Variants in ULK4 observed in about 807,000 individuals in gnomAD.
ULK4 encodes the protein inactive serine/threonine-protein kinase ULK4.
A neutral mutation model predicts 160.6 loss-of-function variants in ULK4; 133 were observed. That is an observed-to-expected ratio of 0.83 (90% CI 0.72 to 0.96). The LOEUF is 0.96. ULK4 is among the 40% of genes least tolerant of loss of function. The probability of loss-of-function intolerance (pLI) is 0.00; values close to 1 mark genes in which losing one functional copy is unlikely to be tolerated. For missense variants in ULK4, 1,580 were observed against 1,499.5 expected (o/e 1.05, Z -0.89); for synonymous variants, 534 against 539.8 (o/e 0.99, Z 0.15).
intron 34 of ULK4, among the ~76,000 whole-genome samples, chr3:41,439,931 T>C (rs997843791): frequency 6.6e-6 from 1 of 152,228 alleles, no homozygotes; most frequent in Non-Finnish European, 1.5e-5. Flanking sequence ...CCATACCTTT[T>C]GTTAGATTTT....
intron 35 of ULK4, among the ~76,000 whole-genome samples, chr3:41,300,837 T>TTTTATATATATATA (rs1491100332): frequency 1.7e-5 from 1 of 57,876 alleles, no homozygotes; most frequent in African/African-American, 4.6e-5. Flanking sequence ...ATTTTACAGA[T>TTTTATATATATATA]TATATATATA....
intron 16 of ULK4, among the ~76,000 whole-genome samples, chr3:41,886,882 T>C (rs1697742367): frequency 6.6e-6 from 1 of 152,080 alleles, no homozygotes; most frequent in Non-Finnish European, 1.5e-5. Flanking sequence ...CTGGTGTGAA[T>C]CTTTATACAC....
At chr3:41,399,636 T>C (rs2082137338) in intron 34 of ULK4, among the ~76,000 whole-genome samples, 1 of 152,100 alleles carries the variant, frequency 6.6e-6, no homozygotes, top group Non-Finnish European at 1.5e-5. Context: ...TGCAGTGGTA[T>C]AAACATAGCT....
At chr3:41,938,326 C>T (rs1699845137) in intron 2 of ULK4, 129 bp from the exon 3 acceptor site, 1 of 664,344 alleles carries the variant, frequency 1.5e-6, no homozygotes, top group Admixed American at 3.0e-5. Flanking sequence ...GAATTCTATA[C>T]AGACATTAGA....
intron 32 of ULK4, among the ~76,000 whole-genome samples, chr3:41,495,751 A>T (rs1257750541): frequency 6.6e-6 from 1 of 151,898 alleles, no homozygotes; most frequent in Non-Finnish European, 1.5e-5. Flanking sequence ...AAACAACCCC[A>T]TCAAAAAGTG....
intron 32 of ULK4, among the ~76,000 whole-genome samples, chr3:41,520,526 C>A (rs1452758752): frequency 6.6e-6 from 1 of 152,054 alleles, no homozygotes; most frequent in Non-Finnish European, 1.5e-5. Context: ...CATATTTGTG[C>A]AGATTTGTGT....
At chr3:41,683,190 T>C (rs2035978977) in intron 27 of ULK4, among the ~76,000 whole-genome samples, 1 of 152,148 alleles carries the variant, frequency 6.6e-6, no homozygotes. Flanking sequence ...CTCAAAATGT[T>C]TAACCGTGGC....
chr3:41,626,337 G>T (rs796755975), intron 30 of ULK4, among the ~76,000 whole-genome samples: 6 of 152,106 alleles, frequency 3.9e-5, no homozygotes, highest in African/African-American at 1.4e-4. Context: ...TAAATGTCAT[G>T]TATTTAAGTA....
chr3:41,324,700 A>G (rs978092629), intron 35 of ULK4, among the ~76,000 whole-genome samples: 4 of 152,152 alleles, frequency 2.6e-5, no homozygotes, highest in Admixed American at 2.6e-4. Context: ...GAACAACATA[A>G]ACAAAAGCAA....
At chr3:41,822,214 AC>A (rs141687045) in intron 18 of ULK4, among the ~76,000 whole-genome samples, 10,975 of 152,032 alleles carry the variant, frequency 0.072, 1,249 homozygotes, top group African/African-American at 0.24. Flanking sequence ...AGTCTCTCCA[AC>A]CCTGCCTCCT....
chr3:41,374,265 G>A (rs977532395), intron 35 of ULK4, among the ~76,000 whole-genome samples: 1 of 152,124 alleles, frequency 6.6e-6, no homozygotes, highest in African/African-American at 2.4e-5. Flanking sequence ...GAAAAAGAGG[G>A]AATCCTCCCT....
intron 19 of ULK4, among the ~76,000 whole-genome samples, chr3:41,801,126 CAT>C: frequency 6.6e-6 from 1 of 152,004 alleles, no homozygotes; most frequent in East Asian, 1.9e-4. Flanking sequence ...AAAGCAAAAA[CAT>C]AAGGAGAGAA....
At chr3:41,563,645 T>A (rs1294689544) in intron 32 of ULK4, among the ~76,000 whole-genome samples, 1 of 152,216 alleles carries the variant, frequency 6.6e-6, no homozygotes. Flanking sequence ...TCCACTTGAT[T>A]GAATTGGCTA....
chr3:41,931,936 A>C lies in ULK4; in HGVS notation c.449T>G (p.Leu150Trp), dbSNP rs755688745. The change falls in exon 5 of 37, where the codon TTG becomes TGG. Residue 150 changes from leucine to tryptophan, a missense_variant. Coordinates refer to ENST00000301831, the MANE Select transcript of ULK4 (RefSeq NM_017886.4). ...FCLAKVEGEN[L>W]EEFFALVAAE... ...TGCCACCAAAGCAAAGAACTCTTCC[A>C]AATTTTCACCTTCCACTTTTGCCAA... 1 of 1,614,058 alleles carries C rather than the reference A, an allele frequency of 6.2e-7. No individual in the cohort carries two copies. Among genetic ancestry groups the C allele is most frequent in the Non-Finnish European group, 8.5e-7 (1 of 1,180,006 alleles).
chr3:41,383,854 T>C (rs17056647), intron 35 of ULK4, among the ~76,000 whole-genome samples: 1 of 152,232 alleles, frequency 6.6e-6, no homozygotes, highest in South Asian at 2.1e-4. Context: ...TCTTCTCCCT[T>C]TTTGAGAGTT....
chr3:41,740,569 C>A (rs1458190872), intron 22 of ULK4, among the ~76,000 whole-genome samples: 1 of 151,934 alleles, frequency 6.6e-6, no homozygotes, highest in African/African-American at 2.4e-5. Flanking sequence ...AATTTCACCA[C>A]CTGTCTCATG....
intron 20 of ULK4, among the ~76,000 whole-genome samples, chr3:41,799,030 T>C (rs4973985): frequency 0.87 from 132,086 of 152,058 alleles, 57,757 homozygotes; most frequent in African/African-American, 0.96. Context: ...TAGTTCTCAT[T>C]AGATGTCTTC....
At chr3:41,277,380 C>T (rs1415608287) in intron 35 of ULK4, among the ~76,000 whole-genome samples, 1 of 152,174 alleles carries the variant, frequency 6.6e-6, no homozygotes, top group Non-Finnish European at 1.5e-5. Flanking sequence ...AATCCAACAA[C>T]ATATCAGAAA....
chr3:41,524,273 C>G (rs918183501), intron 32 of ULK4, among the ~76,000 whole-genome samples: 2 of 152,158 alleles, frequency 1.3e-5, no homozygotes, highest in African/African-American at 4.8e-5. Context: ...ATATATCTCA[C>G]TATAGCTATT....
Sources: allele counts gnomAD v4.1 joint callset (sites outside exome capture counted in the v4.1 genomes callset), GRCh38; gene constraint gnomAD v4.1.1; transcripts MANE v1.5; gene names NCBI Gene and HGNC (gene_info 2026-07-23, HGNC 2026-07-21).